TRIM9: variants seen among roughly 807,000 people sequenced by gnomAD.
TRIM9 encodes the protein tripartite motif containing 9.
A neutral mutation model predicts 78.3 loss-of-function variants in TRIM9; 26 were observed. That is an observed-to-expected ratio of 0.33 (90% CI 0.24 to 0.46). The LOEUF is 0.46. Among genes scored for constraint, TRIM9 ranks in the 20% least tolerant of loss-of-function variants. TRIM9 has a pLI of 1.00. For missense variants in TRIM9, 787 were observed against 1,036.4 expected, an observed-to-expected ratio of 0.76 and a Z score of 3.30; for synonymous variants, 398 against 416.5, an observed-to-expected ratio of 0.96 and a Z score of 0.54.
At chr14:50,996,539 C>T in intron 7 of TRIM9, 1 of 985,408 alleles carries the variant, frequency 1.0e-6, no homozygotes, top group Non-Finnish European at 1.2e-6. Context: ...AGCAACATTG[C>T]TACAAATTTC....
In TRIM9 at chr14:50,979,692, A is replaced by T. The variant is rs2051574821; in HGVS notation, c.2163-143T>A. 1.4e-5 allele frequency: 10 copies of T among 702,300 alleles called. 1 individual carries two copies. In the South Asian group the frequency reaches 1.6e-4, roughly 11 times the overall value. The allele number at this position is 702,300 out of a possible 1,614,324, so 43.5% of individuals were successfully genotyped here. A position where few individuals can be genotyped will look rare whatever the true frequency, so the allele number is the denominator to read the frequency against. On this transcript the variant is annotated intron_variant, in intron 11 of 12. Coordinates refer to ENST00000684578, the MANE Select transcript of TRIM9 (RefSeq NM_001387360.1). ...CCGTTTCCCTAATCATCCCTTGCAC[A>T]TAAATTTTAATACCGCAGATATACT... is the stretch of plus-strand genomic sequence containing the variant.
At chr14:51,022,984 T>C (rs776849333) in intron 2 of TRIM9, 27 bp from the exon 3 acceptor site, 12 of 1,612,078 alleles carry the variant, frequency 7.4e-6, no homozygotes, top group Non-Finnish European at 1.0e-5. Flanking sequence ...ATTTCTCAAC[T>C]GCAAGCTGCT....
chr14:50,979,307 C>T lies in TRIM9; in HGVS notation c.2325+80G>A, dbSNP rs184951705. 1.1e-4 allele frequency: 177 copies of T among 1,610,664 alleles called. 1 individual carries two copies. The Admixed American group carries it at 1.8e-3, about 16-fold the overall frequency. On this transcript the variant is annotated intron_variant, in intron 12 of 12. Coordinates refer to ENST00000684578, the MANE Select transcript of TRIM9 (RefSeq NM_001387360.1). ...CTTACGCTGTCAGCTTCCCTCTCTT[C>T]GGTTGGATTGAACGGCCCTGGGCAG...
chr14:50,980,828 A>G (rs929285435), intron 11 of TRIM9, among the ~76,000 whole-genome samples: 3 of 152,256 alleles, frequency 2.0e-5, no homozygotes, highest in Admixed American at 1.3e-4. Flanking sequence ...CTTGAATGCT[A>G]TAGAAGCTAT....
intron 1 of TRIM9, among the ~76,000 whole-genome samples, chr14:51,034,920 G>A (rs1219985981): frequency 6.6e-6 from 1 of 152,124 alleles, no homozygotes; most frequent in Non-Finnish European, 1.5e-5. Context: ...ATCTTGCTGG[G>A]TTGTATAAAG....
intron 7 of TRIM9, chr14:50,997,301 A>G: frequency 2.0e-6 from 2 of 985,442 alleles, no homozygotes; most frequent in Non-Finnish European, 2.4e-6. Context: ...TTTGATGACC[A>G]AAATATTTAA....
At position 51,066,107 on chromosome 14, in the gene TRIM9, G is replaced by C. The variant is rs969986387; in HGVS notation, c.822+28011C>G. Among the ~76,000 whole-genome samples the C allele has an allele frequency of 2.1e-3, 288 of 138,706 alleles. 3 individuals are homozygous for C. The highest frequency in any genetic ancestry group is 3.1e-3 in the Admixed American group (43 of 13,892). The allele number at this position is 138,706 out of a possible 152,430, so 91.0% of individuals were successfully genotyped here. On this transcript the variant is annotated intron_variant, in intron 1 of 12. Transcript: ENST00000684578. ...AAGGAAGGAGGGAGGGAGGGACGGA[G>C]GGAGGGAGGGAGGGGAGGGGAGGGG...
chr14:51,003,670 A>G (rs984220175), intron 5 of TRIM9, among the ~76,000 whole-genome samples: 1 of 152,188 alleles, frequency 6.6e-6, no homozygotes, highest in African/African-American at 2.4e-5. Context: ...TAGACTCTCA[A>G]TAATCTTCAG....
intron 1 of TRIM9, among the ~76,000 whole-genome samples, chr14:51,051,034 G>A (rs1262245725): frequency 6.6e-6 from 1 of 152,160 alleles, no homozygotes; most frequent in Non-Finnish European, 1.5e-5. Context: ...GTTGTTTTTA[G>A]TTATTAAGTG....
At chr14:50,990,045 C>T (rs1446423355) in intron 7 of TRIM9, among the ~76,000 whole-genome samples, 1 of 152,160 alleles carries the variant, frequency 6.6e-6, no homozygotes, top group Non-Finnish European at 1.5e-5. Context: ...GAGACAGGGT[C>T]TCACTTGGTC....
intron 3 of TRIM9, among the ~76,000 whole-genome samples, chr14:51,016,244 C>T (rs189172103): frequency 2.6e-5 from 4 of 152,158 alleles, no homozygotes; most frequent in Admixed American, 6.5e-5. Context: ...ACCCCCGGGC[C>T]GTGGACTGGC....
At chr14:51,086,492 T>C (rs2063765321) in intron 1 of TRIM9, among the ~76,000 whole-genome samples, 1 of 152,254 alleles carries the variant, frequency 6.6e-6, no homozygotes, top group Admixed American at 6.5e-5. Context: ...GTTATATTGC[T>C]AGTTATTAGT....
At chr14:51,081,935 G>C (rs1221516074) in intron 1 of TRIM9, among the ~76,000 whole-genome samples, 3 of 152,196 alleles carry the variant, frequency 2.0e-5, no homozygotes, top group Admixed American at 6.5e-5. Flanking sequence ...TTGTTCAAGA[G>C]TTTTTATAGA....
In TRIM9 at chr14:51,000,833, A is replaced by T. The variant is rs750740333; in HGVS notation, c.1314T>A (p.Ser438=). 6.2e-7 allele frequency: 1 copy of T among 1,614,032 alleles called. No homozygotes were observed. The highest frequency in any genetic ancestry group is 1.7e-5 in the Admixed American group (1 of 60,020). ...GTAGGATAGGGGTTGCTGGGACTGG[A>T]GAGGAAGCTAAACAGAAATTAGTGT... ...QLDFVQVKAS[S]PVPATPILQL... Residue 438 remains serine (S), a synonymous_variant, in exon 6 of 13, where the codon TCT becomes TCA. Transcript: ENST00000684578.
At chr14:51,075,990 C>T (rs1307451381) in intron 1 of TRIM9, among the ~76,000 whole-genome samples, 4 of 152,048 alleles carry the variant, frequency 2.6e-5, no homozygotes, top group African/African-American at 9.7e-5. Flanking sequence ...ATTCCCAATA[C>T]CTACAAGAGT....
At chr14:50,980,719 C>T (rs2051764167) in intron 11 of TRIM9, among the ~76,000 whole-genome samples, 1 of 152,332 alleles carries the variant, frequency 6.6e-6, no homozygotes, top group Middle Eastern at 3.4e-3. Context: ...CCACAAAATG[C>T]CGATCACTGA....
chr14:51,009,274 C>T (rs17123439), intron 4 of TRIM9, 41 bp from the exon 5 acceptor site: 98,118 of 1,609,976 alleles, frequency 0.061, 3,583 homozygotes, highest in Admixed American at 0.12. Flanking sequence ...AAATACACCA[C>T]CACACTTGAA....
chr14:51,086,537 C>T (rs1262065626), intron 1 of TRIM9, among the ~76,000 whole-genome samples: 2 of 152,122 alleles, frequency 1.3e-5, no homozygotes, highest in East Asian at 3.8e-4. Context: ...ATTGAACCAA[C>T]CTTTATCTAA....
chr14:51,082,770 A>T (rs2140316383), intron 1 of TRIM9, among the ~76,000 whole-genome samples: 1 of 152,350 alleles, frequency 6.6e-6, no homozygotes, highest in East Asian at 1.9e-4. Context: ...TGTGAGTTAC[A>T]TCTCAAAAAA....
Sources: gnomAD v4.1 joint callset for allele counts (sites outside exome capture counted in the v4.1 genomes callset) on GRCh38, gnomAD v4.1.1 for gene constraint, MANE v1.5 for transcripts, NCBI Gene and HGNC (gene_info 2026-07-23, HGNC 2026-07-21) for gene names.